The following SRBD1 variants were observed in gnomAD, a reference collection of about 807,000 sequenced individuals.
The protein encoded by SRBD1 is S1 RNA-binding domain-containing protein 1.
Under a neutral mutation model 115.3 loss-of-function variants are expected in SRBD1, and 88 were observed. That is an observed-to-expected ratio of 0.76 (90% CI 0.64 to 0.91). The LOEUF is 0.91. Ranked by LOEUF, SRBD1 falls within the 40% of genes least tolerant of loss-of-function variation. The pLI, the probability that SRBD1 is intolerant of heterozygous loss-of-function variation, is 0.00. For missense variants in SRBD1, 1,385 were observed against 1,177.4 expected (o/e 1.18, Z -2.58); for synonymous variants, 509 against 407.7 (o/e 1.25, Z -2.99).
At chr2:45,592,898 A>G (rs1420757497) in intron 4 of SRBD1, among the ~76,000 whole-genome samples, 1 of 152,228 alleles carries the variant, frequency 6.6e-6, no homozygotes, top group Non-Finnish European at 1.5e-5. Flanking sequence ...TGGGGGTTTA[A>G]TAACGTGTGT....
chr2:45,524,681 G>C (rs1362374677), intron 14 of SRBD1, among the ~76,000 whole-genome samples: 1 of 151,952 alleles, frequency 6.6e-6, no homozygotes, highest in Non-Finnish European at 1.5e-5. Flanking sequence ...AATGCTTATG[G>C]ATTTAAAGAC....
intron 16 of SRBD1, among the ~76,000 whole-genome samples, chr2:45,425,404 G>T (rs895594600): frequency 6.6e-6 from 1 of 152,052 alleles, no homozygotes; most frequent in African/African-American, 2.4e-5. Flanking sequence ...GCACAAAGGG[G>T]TGTGTATATG....
intron 14 of SRBD1, among the ~76,000 whole-genome samples, chr2:45,539,587 T>C (rs1671869578): frequency 6.6e-6 from 1 of 152,176 alleles, no homozygotes; most frequent in Non-Finnish European, 1.5e-5. Context: ...GGGGAACTAC[T>C]GATGAGAATA....
At chr2:45,579,783 C>T in intron 7 of SRBD1, 92 bp downstream of exon 7, 1 of 1,340,902 alleles carries the variant, frequency 7.5e-7, no homozygotes, top group Non-Finnish European at 9.8e-7. Flanking sequence ...TTTGTATAAT[C>T]AGTACTTAAC....
intron 16 of SRBD1, among the ~76,000 whole-genome samples, chr2:45,471,171 T>C (rs1333645184): frequency 6.6e-6 from 1 of 152,100 alleles, no homozygotes; most frequent in Non-Finnish European, 1.5e-5. Flanking sequence ...TTACAACAAA[T>C]TTTTCCTAAT....
At chr2:45,396,347 AC>A (rs1667145536) in intron 19 of SRBD1, among the ~76,000 whole-genome samples, 1 of 152,170 alleles carries the variant, frequency 6.6e-6, no homozygotes, top group Non-Finnish European at 1.5e-5. Flanking sequence ...CACTGAGGAA[AC>A]CTGCAAAGAA....
intron 18 of SRBD1, among the ~76,000 whole-genome samples, chr2:45,414,582 A>G (rs1667716636): frequency 7.3e-6 from 1 of 137,214 alleles, no homozygotes; most frequent in Non-Finnish European, 1.6e-5. Context: ...GTGTGTATAT[A>G]GTGTGTGTGT....
chr2:45,502,509 G>A (rs1461979510), intron 14 of SRBD1, among the ~76,000 whole-genome samples: 1 of 152,072 alleles, frequency 6.6e-6, no homozygotes, highest in East Asian at 1.9e-4. Context: ...CCATAAAAAA[G>A]GACCAGTTCA....
intron 14 of SRBD1, among the ~76,000 whole-genome samples, chr2:45,502,515 G>C (rs1267136758): frequency 1.3e-5 from 2 of 152,250 alleles, no homozygotes; most frequent in East Asian, 3.9e-4. Context: ...AAAAGGACCA[G>C]TTCATGTCCT....
intron 20 of SRBD1, among the ~76,000 whole-genome samples, chr2:45,390,575 G>C (rs1356676005): frequency 6.6e-6 from 1 of 152,120 alleles, no homozygotes. Flanking sequence ...GGATTACTGA[G>C]TGTTGACTCT....
intron 15 of SRBD1, among the ~76,000 whole-genome samples, chr2:45,478,113 C>A (rs1669858547): frequency 6.6e-6 from 1 of 152,118 alleles, no homozygotes; most frequent in Admixed American, 6.6e-5. Context: ...TACACTGAGT[C>A]TTTATATATA....
chr2:45,575,130 A>T (rs928204775), intron 7 of SRBD1, among the ~76,000 whole-genome samples: 3 of 152,210 alleles, frequency 2.0e-5, no homozygotes, highest in African/African-American at 7.2e-5. Flanking sequence ...ATATATATTA[A>T]TAGAGTCAAA....
rs374300822 is a variant in SRBD1 at position 45,580,638 on chromosome 2, C to T, written c.934-625G>A. 1.9e-3 allele frequency among the ~76,000 whole-genome samples: 265 copies of T among 137,478 alleles called. 1 individual carries two copies. Among genetic ancestry groups the T allele is most frequent in the African/African-American group, 4.4e-3 (162 of 36,708 alleles). 90.2% of individuals were successfully genotyped at this position (137,478 alleles called of 152,430 possible). ...CCTCCCAAAGTGCTGGGATTACAGG[C>T]GTGAGCCACCGCACCTGGCCGGTCA... On this transcript the variant is annotated intron_variant, in intron 6 of 20. Transcript: ENST00000263736.
At chr2:45,599,925 T>C in intron 3 of SRBD1, 90 bp from the exon 4 acceptor site, 3 of 1,371,586 alleles carry the variant, frequency 2.2e-6, no homozygotes, top group Non-Finnish European at 2.9e-6. Flanking sequence ...GAACAAATTA[T>C]TGATACACAC....
intron 10 of SRBD1, among the ~76,000 whole-genome samples, chr2:45,558,692 T>A (rs1012226184): frequency 1.4e-5 from 2 of 144,036 alleles, no homozygotes; most frequent in South Asian, 2.3e-4. Flanking sequence ...ATTATTTTTT[T>A]TTTTTTTTTT....
intron 2 of SRBD1, among the ~76,000 whole-genome samples, chr2:45,603,021 C>T (rs919855399): frequency 6.6e-6 from 1 of 152,088 alleles, no homozygotes; most frequent in African/African-American, 2.4e-5. Context: ...ATCAGAATAA[C>T]ATAACAGCAG....
intron 15 of SRBD1, among the ~76,000 whole-genome samples, chr2:45,487,550 T>C (rs997788990): frequency 6.6e-6 from 1 of 152,196 alleles, no homozygotes; most frequent in African/African-American, 2.4e-5. Context: ...AAATTTGTAT[T>C]ACAAATATTT....
At chr2:45,564,617 T>G (rs541430477) in intron 9 of SRBD1, among the ~76,000 whole-genome samples, 1 of 152,256 alleles carries the variant, frequency 6.6e-6, no homozygotes, top group East Asian at 1.9e-4. Context: ...ATTCTGAAAA[T>G]AATTTTTTTT....
intron 19 of SRBD1, among the ~76,000 whole-genome samples, chr2:45,405,092 C>G (rs1198717334): frequency 1.3e-5 from 2 of 152,188 alleles, no homozygotes; most frequent in Non-Finnish European, 2.9e-5. Flanking sequence ...TTACTCTGCT[C>G]TTTCCCTGTT....
Sources: gnomAD v4.1 joint callset for allele counts (sites outside exome capture counted in the v4.1 genomes callset) on GRCh38, gnomAD v4.1.1 for gene constraint, MANE v1.5 for transcripts, NCBI Gene and HGNC (gene_info 2026-07-23, HGNC 2026-07-21) for gene names.